DHRSX: variants seen among roughly 807,000 people sequenced by gnomAD.
DHRSX encodes dehydrogenase/reductase X-linked.
A neutral mutation model predicts 34.0 loss-of-function variants in DHRSX; 31 were observed. The ratio of observed to expected loss-of-function variants is 0.91; its 90% CI spans 0.69 to 1.23. The LOEUF (loss-of-function observed/expected upper bound fraction) is 1.23, where lower values mean the gene tolerates loss of function less well. DHRSX is among the 50% of genes most tolerant of loss of function. The pLI, the probability that DHRSX is intolerant of heterozygous loss-of-function variation, is 0.00. For synonymous variants in DHRSX, 201 were observed against 183.8 expected, an observed-to-expected ratio of 1.09 and a Z score of -0.76; for missense variants, 414 against 428.1, an observed-to-expected ratio of 0.97 and a Z score of 0.29.
intron 5 of DHRSX, among the ~76,000 whole-genome samples, chrX:2,244,295 T>C (rs1569478965): frequency 1.9e-5 from 2 of 103,314 alleles, no homozygotes; most frequent in Admixed American, 2.1e-4. Context: ...GTAAAGTGAG[T>C]AACGTGCCTC....
chrX:2,477,004 AAAAC>A (rs751362216), intron 1 of DHRSX, among the ~76,000 whole-genome samples: 41 of 152,292 alleles, frequency 2.7e-4, no homozygotes, highest in African/African-American at 8.7e-4. Context: ...CTCCATCTCG[AAAAC>A]AAACAAACAA....
intron 1 of DHRSX, among the ~76,000 whole-genome samples, chrX:2,428,784 C>T (rs2043881252): frequency 2.0e-5 from 3 of 152,150 alleles, no homozygotes; most frequent in Admixed American, 2.0e-4. Context: ...TAAAATAAAA[C>T]AATAAAGCCT....
chrX:2,297,700 T>C (rs1188602502), intron 3 of DHRSX, among the ~76,000 whole-genome samples: 1 of 152,038 alleles, frequency 6.6e-6, no homozygotes, highest in Non-Finnish European at 1.5e-5. Context: ...CTTGTTATCA[T>C]ACTGCTGCCC....
chrX:2,305,391 G>A (rs777406338), intron 3 of DHRSX, among the ~76,000 whole-genome samples: 5 of 152,270 alleles, frequency 3.3e-5, no homozygotes, highest in Non-Finnish European at 7.3e-5. Flanking sequence ...CACTGTTGGT[G>A]AGAGTGGAAG....
chrX:2,371,485 TCCCGTTACCGTAGACCCTCCCC>T (rs2124600630), intron 3 of DHRSX, among the ~76,000 whole-genome samples: 1 of 139,618 alleles, frequency 7.2e-6, no homozygotes, highest in Non-Finnish European at 1.6e-5. Context: ...ACCCTCCTCC[TCCCGTTACCGTAGACCCTCCCC>T]GTTACCACAG....
chrX:2,302,206 T>C (rs1275288969), intron 3 of DHRSX, among the ~76,000 whole-genome samples: 1 of 152,172 alleles, frequency 6.6e-6, no homozygotes, highest in Admixed American at 6.6e-5. Context: ...GGAAGGCATG[T>C]TTTAAGATAA....
rs183051598 is a variant in DHRSX at position 2,248,036 on chromosome X, G to A, written c.597-4806C>T. ...TTCCTATCATCGTGCAGTGGCTCAC[G>A]GCTATAATCCCGGCACTTTGGGAGG... is the stretch of plus-strand genomic sequence containing the variant. On this transcript the variant is annotated intron_variant, in intron 5 of 6. Coordinates refer to ENST00000334651, the MANE Select transcript of DHRSX (RefSeq NM_145177.3). Among the ~76,000 whole-genome samples, 214 of 152,162 alleles carry A rather than the reference G, an allele frequency of 1.4e-3. 1 individual carries two copies. Among genetic ancestry groups the A allele is most frequent in the African/African-American group, 4.7e-3 (197 of 41,506 alleles).
intron 2 of DHRSX, 32 bp downstream of exon 2, chrX:2,425,165 C>T (rs766580592): frequency 6.6e-7 from 1 of 1,506,066 alleles, no homozygotes; most frequent in African/African-American, 1.5e-5. Flanking sequence ...ACCGAAAAAA[C>T]AAAAAACACA....
chrX:2,442,186 G>A (rs1386292021), intron 1 of DHRSX, among the ~76,000 whole-genome samples: 3 of 151,982 alleles, frequency 2.0e-5, no homozygotes, highest in African/African-American at 7.2e-5. Flanking sequence ...AAAATCTTAA[G>A]GAAGAGAAAA....
intron 1 of DHRSX, among the ~76,000 whole-genome samples, chrX:2,471,639 C>T (rs1359267792): frequency 6.6e-6 from 1 of 152,010 alleles, no homozygotes; most frequent in Non-Finnish European, 1.5e-5. Flanking sequence ...TCAGGCACCC[C>T]AAAGATTCCC....
Position 2,482,584 on chromosome X carries a change from T to C in DHRSX, c.109+18233A>G, listed in dbSNP as rs2044790972. 2.0e-5 allele frequency among the ~76,000 whole-genome samples: 3 copies of C among 152,204 alleles called. No individual in the cohort carries two copies. In the South Asian group the frequency reaches 6.2e-4, roughly 31 times the overall value. On this transcript the variant is annotated intron_variant, in intron 1 of 6. Coordinates refer to ENST00000334651, the MANE Select transcript of DHRSX (RefSeq NM_145177.3). Reference sequence around the variant, plus strand: ...CCGGTCTCATACCATTTTTGTATCATGAAACTTTATTATTCTTTGCATTTC... The same window carrying C: ...CCGGTCTCATACCATTTTTGTATCACGAAACTTTATTATTCTTTGCATTTC...
intron 3 of DHRSX, among the ~76,000 whole-genome samples, chrX:2,356,154 T>A (rs2042849073): frequency 6.6e-6 from 1 of 151,640 alleles, no homozygotes. Context: ...GGCAGGCAGA[T>A]CAACTGAAGT....
chrX:2,338,527 T>C (rs1368910002), intron 3 of DHRSX, among the ~76,000 whole-genome samples: 1 of 151,888 alleles, frequency 6.6e-6, no homozygotes, highest in Admixed American at 6.6e-5. Context: ...GACGATGGAT[T>C]CTTCCTGAAG....
intron 1 of DHRSX, among the ~76,000 whole-genome samples, chrX:2,433,157 A>G (rs1164041331): frequency 3.3e-5 from 5 of 152,166 alleles, no homozygotes; most frequent in Admixed American, 1.3e-4. Context: ...AAATCTCCAT[A>G]AGCAAAGTAA....
At chrX:2,462,460 G>A (rs1029992319) in intron 1 of DHRSX, among the ~76,000 whole-genome samples, 1 of 152,082 alleles carries the variant, frequency 6.6e-6, no homozygotes, top group African/African-American at 2.4e-5. Flanking sequence ...GCTTGAACCT[G>A]GGAGGTGGAG....
At chrX:2,493,820 T>C (rs1351574448) in intron 1 of DHRSX, among the ~76,000 whole-genome samples, 2 of 151,966 alleles carry the variant, frequency 1.3e-5, no homozygotes, top group African/African-American at 4.8e-5. Flanking sequence ...AAATACAAAA[T>C]TAGCCGGGCG....
intron 1 of DHRSX, among the ~76,000 whole-genome samples, chrX:2,441,810 C>T (rs183390449): frequency 2.6e-5 from 4 of 152,268 alleles, no homozygotes; most frequent in African/African-American, 7.2e-5. Context: ...CAGTGGTTGA[C>T]GCCTGTAATC....
chrX:2,365,924 C>T (rs2042989677), intron 3 of DHRSX, among the ~76,000 whole-genome samples: 1 of 152,218 alleles, frequency 6.6e-6, no homozygotes, highest in Admixed American at 6.5e-5. Context: ...TGAACTAGTT[C>T]TAGGAACAGT....
At chrX:2,230,920 G>A (rs758954812) in intron 6 of DHRSX, among the ~76,000 whole-genome samples, 27 of 152,212 alleles carry the variant, frequency 1.8e-4, no homozygotes, top group African/African-American at 6.5e-4. Flanking sequence ...TGAGAACTGC[G>A]ACTAATACAA....
Sources: allele counts gnomAD v4.1 joint callset (sites outside exome capture counted in the v4.1 genomes callset), GRCh38; gene constraint gnomAD v4.1.1; transcripts MANE v1.5; gene names NCBI Gene and HGNC (gene_info 2026-07-23, HGNC 2026-07-21).